The following MYO1D variants were observed in gnomAD, a reference collection of about 807,000 sequenced individuals.
The protein encoded by MYO1D is unconventional myosin-Id.
Under a neutral mutation model 122.0 loss-of-function variants are expected in MYO1D, and 83 were observed. That is an observed-to-expected ratio of 0.68 (90% CI 0.57 to 0.82). MYO1D has a LOEUF of 0.82. Ranked by LOEUF, MYO1D falls within the 40% of genes least tolerant of loss-of-function variation. The probability of loss-of-function intolerance (pLI) is 0.00; values close to 1 mark genes in which losing one functional copy is unlikely to be tolerated. For missense variants in MYO1D, 1,157 were observed against 1,269.5 expected (o/e 0.91, Z 1.35); for synonymous variants, 464 against 446.9 (o/e 1.04, Z -0.48).
intron 6 of MYO1D, among the ~76,000 whole-genome samples, chr17:32,769,889 T>C (rs1280417694): frequency 6.6e-6 from 1 of 152,134 alleles, no homozygotes; most frequent in Non-Finnish European, 1.5e-5. Flanking sequence ...AATTTAATAC[T>C]TGCTTTCTGT....
At chr17:32,517,309 G>A (rs1227507421) in intron 21 of MYO1D, among the ~76,000 whole-genome samples, 1 of 152,204 alleles carries the variant, frequency 6.6e-6, no homozygotes, top group Non-Finnish European at 1.5e-5. Flanking sequence ...GCAAAGAGAA[G>A]TCATATGAGC....
At position 32,804,256 on chromosome 17, in the gene MYO1D, T is replaced by G. The variant is rs147484044; in HGVS notation, c.96-23472A>C. On this transcript the variant is annotated intron_variant, in intron 1 of 21. Transcript: ENST00000318217. ...TTGGGGGAATGATGACCCAAAAAAG[T>G]CTGTACATGTTCAGTACAGATGTAG... is the stretch of plus-strand genomic sequence containing the variant. 2.2e-3 allele frequency among the ~76,000 whole-genome samples: 336 copies of G among 152,304 alleles called. 6 individuals carry two copies. Among genetic ancestry groups the G allele is most frequent in the African/African-American group, 7.6e-3 (315 of 41,554 alleles).
chr17:32,502,425 C>T (rs1909346972), intron 21 of MYO1D, among the ~76,000 whole-genome samples: 1 of 152,114 alleles, frequency 6.6e-6, no homozygotes, highest in South Asian at 2.1e-4. Flanking sequence ...CGTGGAGGGA[C>T]TGCTTAGAGG....
chr17:32,720,120 GA>G (rs1385771998), intron 15 of MYO1D, among the ~76,000 whole-genome samples: 1 of 151,792 alleles, frequency 6.6e-6, no homozygotes, highest in Non-Finnish European at 1.5e-5. Context: ...TTTTTGGGGG[GA>G]AAACTATAGT....
At chr17:32,846,382 T>C (rs1199738622) in intron 1 of MYO1D, among the ~76,000 whole-genome samples, 2 of 152,228 alleles carry the variant, frequency 1.3e-5, no homozygotes, top group Admixed American at 1.3e-4. Context: ...GAGTCCACAA[T>C]ATGAGCCAAG....
At chr17:32,644,320 T>A (rs1019014268) in intron 19 of MYO1D, among the ~76,000 whole-genome samples, 1 of 152,250 alleles carries the variant, frequency 6.6e-6, no homozygotes, top group South Asian at 2.1e-4. Flanking sequence ...TGTTGAGGAG[T>A]GCTTTACTTC....
chr17:32,578,929 A>G (rs2087302795), intron 21 of MYO1D, among the ~76,000 whole-genome samples: 1 of 152,030 alleles, frequency 6.6e-6, no homozygotes, highest in African/African-American at 2.4e-5. Context: ...ATTCCCTTCA[A>G]GTTCCTTGAC....
chr17:32,776,123 T>C, intron 3 of MYO1D, 94 bp from the exon 4 acceptor site: 7 of 1,095,862 alleles, frequency 6.4e-6, no homozygotes, highest in Non-Finnish European at 9.2e-6. Context: ...CAAATATTTA[T>C]ACAAAGATGC....
chr17:32,854,507 A>G (rs1020652222), intron 1 of MYO1D, among the ~76,000 whole-genome samples: 1 of 152,262 alleles, frequency 6.6e-6, no homozygotes, highest in African/African-American at 2.4e-5. Context: ...GGCGAAGCCA[A>G]TGGCAAACAA....
chr17:32,606,717 T>C (rs1180757358), intron 20 of MYO1D, among the ~76,000 whole-genome samples: 1 of 152,226 alleles, frequency 6.6e-6, no homozygotes, highest in African/African-American at 2.4e-5. Flanking sequence ...AAATGACATA[T>C]ACAACATGCC....
chr17:32,813,557 G>T (rs750379856), intron 1 of MYO1D, among the ~76,000 whole-genome samples: 56 of 152,076 alleles, frequency 3.7e-4, no homozygotes, highest in Non-Finnish European at 5.0e-4. Context: ...GAGGCTGAGA[G>T]GCTTCAGAAA....
intron 20 of MYO1D, among the ~76,000 whole-genome samples, chr17:32,610,276 T>C (rs1049280430): frequency 2.6e-5 from 4 of 152,150 alleles, no homozygotes; most frequent in African/African-American, 7.2e-5. Context: ...CTCTCTCCCT[T>C]GCTGTCTAGG....
At chr17:32,497,211 T>C (rs1909150551) in intron 21 of MYO1D, 1 of 152,208 alleles carries the variant, frequency 6.6e-6, no homozygotes. Flanking sequence ...GGAGGGAGGA[T>C]CAATTGAGGC....
intron 20 of MYO1D, among the ~76,000 whole-genome samples, chr17:32,634,008 T>C (rs2088062199): frequency 6.6e-6 from 1 of 152,184 alleles, no homozygotes; most frequent in Non-Finnish European, 1.5e-5. Flanking sequence ...TTGCAGAGAT[T>C]TTGCCTGTTT....
At chr17:32,729,550 GA>G (rs755280679) in intron 14 of MYO1D, among the ~76,000 whole-genome samples, 5 of 152,144 alleles carry the variant, frequency 3.3e-5, no homozygotes, top group Non-Finnish European at 7.3e-5. Context: ...AAAATATGGG[GA>G]AAAGGTTTTG....
At chr17:32,554,950 T>C (rs377600723) in intron 21 of MYO1D, among the ~76,000 whole-genome samples, 2 of 152,136 alleles carry the variant, frequency 1.3e-5, no homozygotes, top group Non-Finnish European at 1.5e-5. Context: ...GAGCATAACA[T>C]GGTACAAGCT....
chr17:32,532,416 A>T (rs1414490648), intron 21 of MYO1D, among the ~76,000 whole-genome samples: 1 of 152,024 alleles, frequency 6.6e-6, no homozygotes, highest in Non-Finnish European at 1.5e-5. Flanking sequence ...AGGTGCCCTT[A>T]GTCGGGCGAA....
At chr17:32,641,030 C>T (rs2088191732) in intron 19 of MYO1D, among the ~76,000 whole-genome samples, 1 of 151,754 alleles carries the variant, frequency 6.6e-6, no homozygotes, top group African/African-American at 2.4e-5. Context: ...TGGTGTGCTG[C>T]ACCCATTAAC....
chr17:32,809,145 A>C (rs1437536816), intron 1 of MYO1D, among the ~76,000 whole-genome samples: 2 of 151,650 alleles, frequency 1.3e-5, no homozygotes, highest in African/African-American at 2.4e-5. Flanking sequence ...AAAAAAAAAA[A>C]AAAAAACTGT....
Sources: allele counts gnomAD v4.1 joint callset (sites outside exome capture counted in the v4.1 genomes callset), GRCh38; gene constraint gnomAD v4.1.1; transcripts MANE v1.5; gene names NCBI Gene and HGNC (gene_info 2026-07-23, HGNC 2026-07-21).